CPQ: variants seen among roughly 807,000 people sequenced by gnomAD.
CPQ encodes Ser-Met dipeptidase.
Under a neutral mutation model 45.7 loss-of-function variants are expected in CPQ, and 37 were observed. The ratio of observed to expected loss-of-function variants is 0.81; its 90% confidence interval spans 0.62 to 1.07. The LOEUF (loss-of-function observed/expected upper bound fraction) is 1.07, where lower values mean the gene tolerates loss of function less well. Ranked by LOEUF, CPQ falls within the 50% of genes least tolerant of loss-of-function variation. The pLI, the probability that CPQ is intolerant of heterozygous loss-of-function variation, is 0.00. For missense variants in CPQ, 537 were observed against 572.9 expected (o/e 0.94, Z 0.64); for synonymous variants, 186 against 205.8 (o/e 0.90, Z 0.82).
chr8:96,704,898 A>G (rs1156237290), intron 1 of CPQ, among the ~76,000 whole-genome samples: 2 of 152,154 alleles, frequency 1.3e-5, no homozygotes, highest in Admixed American at 6.6e-5. Context: ...ACAATTGGCT[A>G]TACATATTTT....
At chr8:97,086,702 T>A (rs767691917) in intron 7 of CPQ, among the ~76,000 whole-genome samples, 1 of 152,182 alleles carries the variant, frequency 6.6e-6, no homozygotes, top group African/African-American at 2.4e-5. Context: ...CAAATAATAC[T>A]AGATCTCCTC....
rs1276524648 is a variant in CPQ at position 96,862,980 on chromosome 8, C to A, written c.642-16818C>A. Reference sequence around the variant, plus strand: ...TGGCAGGAGACTGAGTCCCAAAGAACTTCATGGAACAGAATTCTGCCATAC... The same window carrying A: ...TGGCAGGAGACTGAGTCCCAAAGAAATTCATGGAACAGAATTCTGCCATAC... On this transcript the variant is annotated intron_variant, in intron 3 of 7. Coordinates refer to ENST00000220763, the MANE Select transcript of CPQ (RefSeq NM_016134.4). Among the ~76,000 whole-genome samples the A allele has an allele frequency of 2.0e-5, 3 of 152,054 alleles. No homozygotes were observed. In the South Asian group the frequency reaches 6.2e-4, roughly 32 times the overall value.
At chr8:97,079,922 G>T (rs1257971875) in intron 7 of CPQ, among the ~76,000 whole-genome samples, 4 of 152,162 alleles carry the variant, frequency 2.6e-5, no homozygotes, top group Admixed American at 2.0e-4. Context: ...TGGAATCTCA[G>T]TTGGGATCTG....
intron 5 of CPQ, among the ~76,000 whole-genome samples, chr8:97,001,641 T>G (rs1477744913): frequency 6.6e-6 from 1 of 152,056 alleles, no homozygotes; most frequent in Non-Finnish European, 1.5e-5. Context: ...CTGGATTCAG[T>G]TTGATAGTCT....
intron 4 of CPQ, among the ~76,000 whole-genome samples, chr8:96,955,205 G>C (rs1813337023): frequency 6.6e-6 from 1 of 152,138 alleles, no homozygotes; most frequent in Admixed American, 6.5e-5. Context: ...CTAGTTTACA[G>C]TCCCACCAAC....
intron 1 of CPQ, among the ~76,000 whole-genome samples, chr8:96,713,544 T>C (rs1353961005): frequency 6.6e-6 from 1 of 152,158 alleles, no homozygotes; most frequent in Non-Finnish European, 1.5e-5. Context: ...CAGAGTGAAG[T>C]GGGGAAAACC....
At chr8:97,037,877 C>G (rs188887610) in intron 6 of CPQ, among the ~76,000 whole-genome samples, 1 of 152,106 alleles carries the variant, frequency 6.6e-6, no homozygotes, top group Non-Finnish European at 1.5e-5. Context: ...TACCACCTTG[C>G]GAATAAACAT....
At chr8:97,100,135 T>C (rs1362708239) in intron 7 of CPQ, among the ~76,000 whole-genome samples, 1 of 152,198 alleles carries the variant, frequency 6.6e-6, no homozygotes, top group East Asian at 1.9e-4. Flanking sequence ...AACTGGAACA[T>C]AAGTTCCACG....
intron 5 of CPQ, among the ~76,000 whole-genome samples, chr8:96,992,597 G>A (rs2048905074): frequency 6.6e-6 from 1 of 152,096 alleles, no homozygotes; most frequent in South Asian, 2.1e-4. Context: ...GTATAATAGG[G>A]ACAATAATAA....
intron 5 of CPQ, among the ~76,000 whole-genome samples, chr8:97,002,564 G>T (rs77697959): frequency 6.6e-6 from 1 of 152,134 alleles, no homozygotes; most frequent in Non-Finnish European, 1.5e-5. Context: ...CCATGTAATT[G>T]TATGGTTTTG....
In CPQ at chr8:96,755,318, G is replaced by T. The variant is rs144071197; in HGVS notation, c.-34-29546G>T. On this transcript the variant is annotated intron_variant, in intron 1 of 7. Coordinates refer to ENST00000220763, the MANE Select transcript of CPQ (RefSeq NM_016134.4). ...GATGTTCTTGTGTTTCCTTCCAGAG[G>T]TATTCTAAGTGGATTTGGCTATTGA... Among the ~76,000 whole-genome samples the T allele has an allele frequency of 3.3e-3, 505 of 151,942 alleles. 7 individuals carry two copies. The highest frequency in any genetic ancestry group is 0.012 in the African/African-American group (480 of 41,510).
At chr8:96,679,082 A>G (rs1809114271) in intron 1 of CPQ, among the ~76,000 whole-genome samples, 2 of 151,978 alleles carry the variant, frequency 1.3e-5, no homozygotes, top group Admixed American at 1.3e-4. Flanking sequence ...TTATTTTTGT[A>G]TATGTAGTAG....
chr8:97,029,259 C>A, intron 5 of CPQ, 144 bp from the exon 6 acceptor site: 2 of 736,062 alleles, frequency 2.7e-6, no homozygotes, highest in Non-Finnish European at 4.4e-6. Context: ...GCTGGCCATA[C>A]CCTGAAGGAG....
intron 5 of CPQ, among the ~76,000 whole-genome samples, chr8:97,028,466 G>A (rs909509249): frequency 1.3e-5 from 2 of 152,238 alleles, no homozygotes; most frequent in Non-Finnish European, 2.9e-5. Context: ...CCCATGAGGA[G>A]GTGGGAAAAC....
chr8:96,677,194 C>T (rs538794755), intron 1 of CPQ, among the ~76,000 whole-genome samples: 12 of 152,056 alleles, frequency 7.9e-5, no homozygotes, highest in African/African-American at 2.6e-4. Flanking sequence ...TATTCAGTAG[C>T]GGGATTGCTG....
At chr8:96,982,057 A>C (rs987772503) in intron 5 of CPQ, among the ~76,000 whole-genome samples, 3 of 152,198 alleles carry the variant, frequency 2.0e-5, no homozygotes, top group African/African-American at 7.2e-5. Flanking sequence ...TGTTAAAGAA[A>C]ACTGTAGTGG....
chr8:96,805,876 A>G (rs902108718), intron 2 of CPQ, among the ~76,000 whole-genome samples: 1 of 151,718 alleles, frequency 6.6e-6, no homozygotes, highest in East Asian at 1.9e-4. Flanking sequence ...CCTCCACCAT[A>G]GAACTTGGTA....
At chr8:96,785,910 A>C (rs1389011747) in intron 2 of CPQ, among the ~76,000 whole-genome samples, 1 of 152,156 alleles carries the variant, frequency 6.6e-6, no homozygotes, top group African/African-American at 2.4e-5. Flanking sequence ...TTAGCCTTGA[A>C]TATATCCATG....
chr8:96,809,041 G>A (rs964552781), intron 2 of CPQ, among the ~76,000 whole-genome samples: 2 of 152,114 alleles, frequency 1.3e-5, no homozygotes, highest in African/African-American at 4.8e-5. Flanking sequence ...TACTATTAAT[G>A]CAAAATACAT....
Sources: allele counts gnomAD v4.1 joint callset (sites outside exome capture counted in the v4.1 genomes callset), GRCh38; gene constraint gnomAD v4.1.1; transcripts MANE v1.5; gene names NCBI Gene and HGNC (gene_info 2026-07-23, HGNC 2026-07-21).